GDAP1: variants seen among roughly 807,000 people sequenced by gnomAD.
GDAP1 encodes the protein ganglioside-induced differentiation-associated protein 1.
GDAP1 carries 34 observed loss-of-function variants against 40.1 expected under a neutral mutation model. The observed-to-expected ratio is 0.85, with a 90% CI of 0.64 to 1.13. The LOEUF is 1.13. Among genes scored for constraint, GDAP1 ranks in the 50% most tolerant of loss-of-function variants. The pLI is 0.00. For synonymous variants in GDAP1, 170 were observed against 157.4 expected, an observed-to-expected ratio of 1.08 and a Z score of -0.60; for missense variants, 374 against 433.7, an observed-to-expected ratio of 0.86 and a Z score of 1.22.
intron 2 of GDAP1, among the ~76,000 whole-genome samples, chr8:74,385,896 G>A (rs1384462774): frequency 6.6e-6 from 1 of 152,072 alleles, no homozygotes; most frequent in Non-Finnish European, 1.5e-5. Context: ...GGTGTGAGAT[G>A]GTATCTCATT....
chr8:74,410,352 T>A (rs567072829), intron 2 of GDAP1, among the ~76,000 whole-genome samples: 2 of 150,272 alleles, frequency 1.3e-5, no homozygotes, highest in Non-Finnish European at 2.9e-5. Flanking sequence ...TTTTTTACCA[T>A]TAGCAGTAAT....
chr8:74,373,431 G>C (rs972191794), intron 2 of GDAP1, among the ~76,000 whole-genome samples: 6 of 151,948 alleles, frequency 3.9e-5, no homozygotes, highest in Non-Finnish European at 7.4e-5. Flanking sequence ...CTTTTATTTC[G>C]TTGAGCACTG....
chr8:74,368,000 T>G (rs1809689252), downstream of GDAP1, among the ~76,000 whole-genome samples: 1 of 152,070 alleles, frequency 6.6e-6, no homozygotes, highest in African/African-American at 2.4e-5. Context: ...TCAAGTAGGG[T>G]GGTGTATCTA....
chr8:74,426,362 G>A (rs1370009628), intron 2 of GDAP1, among the ~76,000 whole-genome samples: 3 of 152,164 alleles, frequency 2.0e-5, no homozygotes, highest in Non-Finnish European at 4.4e-5. Flanking sequence ...CAAGAAGGTT[G>A]AGTATTTTGG....
At position 74,485,021 on chromosome 8, in the gene GDAP1, C is replaced by T. The variant is rs146252209; in HGVS notation, c.166-3657C>T. Among the ~76,000 whole-genome samples, 672 of 152,224 alleles carry T rather than the reference C, an allele frequency of 4.4e-3. 4 individuals are homozygous for T. Among genetic ancestry groups the T allele is most frequent in the African/African-American group, 0.014 (594 of 41,550 alleles). Reference sequence around the variant, plus strand: ...CATTTCAAACCCACACATTCACATGCAAAACTACCCTACTACTTAAAAATC... The same window carrying T: ...CATTTCAAACCCACACATTCACATGTAAAACTACCCTACTACTTAAAAATC... On this transcript the variant is annotated intron_variant, in intron 2 of 2. Transcript: ENST00000523640.
At chr8:74,432,609 C>T (rs551174987) in intron 2 of GDAP1, among the ~76,000 whole-genome samples, 128 of 152,254 alleles carry the variant, frequency 8.4e-4, no homozygotes, top group African/African-American at 2.9e-3. Flanking sequence ...AGGTTCTTGA[C>T]TGAGCTGCTC....
At position 74,427,792 on chromosome 8, in the gene GDAP1, G is replaced by C. The variant is rs1380744412; in HGVS notation, c.166-60886G>C. 2.6e-5 allele frequency among the ~76,000 whole-genome samples: 4 copies of C among 152,152 alleles called. No individual in the cohort carries two copies. The East Asian group carries it at 7.7e-4, about 29-fold the overall frequency. ...AAACTGGGTGGAACATGGGTAAACA[G>C]ATATGTACTTTTCTCTCCACAATCC... On this transcript the variant is annotated intron_variant, in intron 2 of 2. Transcript: ENST00000523640.
intron 2 of GDAP1, among the ~76,000 whole-genome samples, chr8:74,476,124 T>C (rs780516659): frequency 6.6e-6 from 1 of 152,186 alleles, no homozygotes; most frequent in Non-Finnish European, 1.5e-5. Flanking sequence ...TTTTCTGTTT[T>C]CCTCTTGGTT....
intron 2 of GDAP1, among the ~76,000 whole-genome samples, chr8:74,399,167 T>C (rs1586821835): frequency 6.6e-6 from 1 of 152,014 alleles, no homozygotes; most frequent in African/African-American, 2.4e-5. Context: ...CGGCTGTCAA[T>C]CCATCTGGTC....
intron 2 of GDAP1, among the ~76,000 whole-genome samples, chr8:74,460,063 G>A (rs1009102253): frequency 6.6e-6 from 1 of 152,160 alleles, no homozygotes; most frequent in African/African-American, 2.4e-5. Context: ...TAAGGATAAA[G>A]TGCATCAGAT....
chr8:74,393,768 C>G (rs1429619385), intron 2 of GDAP1, among the ~76,000 whole-genome samples: 1 of 152,106 alleles, frequency 6.6e-6, no homozygotes, highest in Non-Finnish European at 1.5e-5. Context: ...TTTTGCAATA[C>G]TCAAGTGTAA....
At chr8:74,394,855 A>G (rs1036870738) in intron 2 of GDAP1, among the ~76,000 whole-genome samples, 1 of 152,218 alleles carries the variant, frequency 6.6e-6, no homozygotes, top group Non-Finnish European at 1.5e-5. Flanking sequence ...GGAGAGGGCC[A>G]TCATGGGAAC....
At chr8:74,382,376 G>GTTTTTTT (rs5892456) in intron 2 of GDAP1, among the ~76,000 whole-genome samples, 1 of 141,944 alleles carries the variant, frequency 7.0e-6, no homozygotes, top group African/African-American at 2.6e-5. Flanking sequence ...ATTGCTAGTG[G>GTTTTTTT]TTTTTTTTTT....
At chr8:74,371,659 CAA>C (rs563423704), downstream of GDAP1, among the ~76,000 whole-genome samples, 8 of 92,762 alleles carry the variant, frequency 8.6e-5, no homozygotes, top group Non-Finnish European at 2.3e-5. Context: ...GACTCCGTCT[CAA>C]AAAAAAAAAA....
chr8:74,354,003 A>G (rs1001666487), intron 2 of GDAP1, among the ~76,000 whole-genome samples: 5 of 152,176 alleles, frequency 3.3e-5, no homozygotes, highest in Admixed American at 6.5e-5. Context: ...TAGATATAGT[A>G]TATCTTGATT....
Position 74,422,335 on chromosome 8 carries a change from TTC to T in GDAP1, c.166-66341_166-66340del, listed in dbSNP as rs1805879659. On this transcript the variant is annotated intron_variant, in intron 2 of 2. Transcript: ENST00000523640. The stretch of plus-strand genomic sequence containing the variant: ...TTTCTTTCTTTCTTTCTTTCTTTCT[TTC>T]TTTCTTTCTTTCTTCCCTTCCTTCC... Among the ~76,000 whole-genome samples, 2 of 61,682 alleles carry T rather than the reference TTC, an allele frequency of 3.2e-5. 1 individual carries two copies. Among genetic ancestry groups the T allele is most frequent in the Non-Finnish European group, 5.9e-5 (2 of 33,750 alleles). The allele number at this position is 61,682 out of a possible 152,430, so 40.5% of individuals were successfully genotyped here. A position where few individuals can be genotyped will look rare whatever the true frequency, so the allele number is the denominator to read the frequency against.
chr8:74,485,962 T>C (rs1806771185), intron 2 of GDAP1, among the ~76,000 whole-genome samples: 1 of 152,126 alleles, frequency 6.6e-6, no homozygotes, highest in South Asian at 2.1e-4. Context: ...TTGTCCTGTG[T>C]GGGAAAGAAA....
intron 2 of GDAP1, among the ~76,000 whole-genome samples, chr8:74,383,668 C>G (rs1171870190): frequency 6.6e-6 from 1 of 152,124 alleles, no homozygotes; most frequent in Non-Finnish European, 1.5e-5. Flanking sequence ...ACTTCTTTAT[C>G]TACATCCTCT....
intron 1 of GDAP1, 152 bp downstream of exon 1, chr8:74,350,730 G>C (rs530320232): frequency 1.4e-6 from 1 of 704,548 alleles, no homozygotes; most frequent in South Asian, 1.5e-5. Flanking sequence ...GCGGGGACGC[G>C]CCCGGGTGGG....
Sources: allele counts gnomAD v4.1 joint callset (sites outside exome capture counted in the v4.1 genomes callset), GRCh38; gene constraint gnomAD v4.1.1; transcripts MANE v1.5; gene names NCBI Gene and HGNC (gene_info 2026-07-23, HGNC 2026-07-21).